PCDH15: variants seen among roughly 807,000 people sequenced by gnomAD.
The protein encoded by PCDH15 is protocadherin related 15.
A neutral mutation model predicts 178.5 loss-of-function variants in PCDH15; 129 were observed. The ratio of observed to expected loss-of-function variants is 0.72; its 90% confidence interval spans 0.63 to 0.84. The LOEUF (loss-of-function observed/expected upper bound fraction) is 0.84. Ranked by LOEUF, PCDH15 falls within the 40% of genes least tolerant of loss-of-function variation. PCDH15 has a pLI of 0.00. For synonymous variants in PCDH15, 800 were observed against 732.0 expected, an observed-to-expected ratio of 1.09 and a Z score of -1.50; for missense variants, 2,230 against 2,099.9, an observed-to-expected ratio of 1.06 and a Z score of -1.21.
intron 1 of PCDH15, among the ~76,000 whole-genome samples, chr10:55,226,674 G>T (rs561315470): frequency 6.6e-6 from 1 of 151,972 alleles, no homozygotes; most frequent in Non-Finnish European, 1.5e-5. Flanking sequence ...GAGCCACTGC[G>T]CCCGGCCAAG....
chr10:55,403,081 A>C (rs1442128083), intron 2 of PCDH15, among the ~76,000 whole-genome samples: 2 of 152,102 alleles, frequency 1.3e-5, no homozygotes, highest in Middle Eastern at 3.4e-3. Context: ...AGTGATGTTG[A>C]CTGTTAACGG....
chr10:54,445,809 T>C lies in PCDH15; in HGVS notation c.158-66867A>G, dbSNP rs138253795. On this transcript the variant is annotated intron_variant, in intron 3 of 37. Coordinates refer to ENST00000644397, the MANE Select transcript of PCDH15 (RefSeq NM_001384140.1). ...TTCTGTGATGTATTTTATTTGACTT[T>C]ATTTGTGTTTTTAGTCTTTTCACAG... Among the ~76,000 whole-genome samples, 576 of 151,752 alleles carry C rather than the reference T, an allele frequency of 3.8e-3. 3 individuals are homozygous for C. Among genetic ancestry groups the C allele is most frequent in the African/African-American group, 0.013 (543 of 41,484 alleles).
At chr10:54,454,581 C>A (rs2076697984) in intron 3 of PCDH15, among the ~76,000 whole-genome samples, 1 of 151,672 alleles carries the variant, frequency 6.6e-6, no homozygotes, top group South Asian at 2.1e-4. Context: ...AATACACATG[C>A]ATAGACATAA....
intron 3 of PCDH15, among the ~76,000 whole-genome samples, chr10:54,516,342 A>G (rs1261336822): frequency 6.6e-6 from 1 of 152,182 alleles, no homozygotes; most frequent in East Asian, 1.9e-4. Flanking sequence ...TAACTAGAAT[A>G]ACAAATGCAG....
chr10:55,607,414 CTA>C (rs1341501718), intron 2 of PCDH15, among the ~76,000 whole-genome samples: 1 of 131,100 alleles, frequency 7.6e-6, no homozygotes, highest in Non-Finnish European at 1.6e-5. Context: ...ACCCAAAGGA[CTA>C]TAAATCATGC....
intron 2 of PCDH15, among the ~76,000 whole-genome samples, chr10:54,624,575 G>T (rs543777667): frequency 5.9e-5 from 9 of 152,300 alleles, no homozygotes; most frequent in Admixed American, 3.3e-4. Context: ...CTAAAGTAGG[G>T]GTTCCCAATC....
intron 2 of PCDH15, among the ~76,000 whole-genome samples, chr10:55,382,992 G>C (rs186396993): frequency 6.6e-6 from 1 of 152,280 alleles, no homozygotes; most frequent in East Asian, 1.9e-4. Flanking sequence ...CAGCTCAGTG[G>C]AGTCAGGGTG....
At chr10:54,613,938 A>G (rs2093048068) in intron 2 of PCDH15, among the ~76,000 whole-genome samples, 1 of 151,876 alleles carries the variant, frequency 6.6e-6, no homozygotes, top group Admixed American at 6.6e-5. Context: ...CTCCCAGACC[A>G]CTTCCAAATT....
At chr10:53,962,685 T>A (rs1000998431) in intron 21 of PCDH15, among the ~76,000 whole-genome samples, 2 of 152,136 alleles carry the variant, frequency 1.3e-5, no homozygotes, top group Non-Finnish European at 2.9e-5. Context: ...GCTGAAATAT[T>A]CCAGAGATAG....
chr10:54,994,482 T>A lies in PCDH15; in HGVS notation c.-79-96982A>T, dbSNP rs543788285. Among the ~76,000 whole-genome samples the A allele has an allele frequency of 4.6e-5, 7 of 152,302 alleles. 1 individual carries two copies. The highest frequency in any genetic ancestry group is 1.7e-4 in the African/African-American group (7 of 41,572). ...AAAATATAAAGTATATATTTCTAGGTATAGTCTATAAATACAGTAAACTTT... is the reference window on the plus strand; with the variant it reads ...AAAATATAAAGTATATATTTCTAGGAATAGTCTATAAATACAGTAAACTTT... On this transcript the variant is annotated intron_variant, in intron 2 of 5. Coordinates refer to the PCDH15 transcript ENST00000458638.
intron 2 of PCDH15, among the ~76,000 whole-genome samples, chr10:54,959,759 C>T (rs1297486271): frequency 6.6e-6 from 1 of 152,024 alleles, no homozygotes; most frequent in Non-Finnish European, 1.5e-5. Flanking sequence ...AGGAAATAAT[C>T]AGACAAATAA....
intron 18 of PCDH15, among the ~76,000 whole-genome samples, chr10:54,058,585 G>A (rs2093948049): frequency 6.6e-6 from 1 of 152,112 alleles, no homozygotes; most frequent in African/African-American, 2.4e-5. Flanking sequence ...TCGAGATTTG[G>A]GTGGGGATAC....
At chr10:55,066,794 T>G (rs1366974083) in intron 2 of PCDH15, among the ~76,000 whole-genome samples, 3 of 151,262 alleles carry the variant, frequency 2.0e-5, no homozygotes, top group Admixed American at 2.0e-4. Context: ...TATTTTAATT[T>G]ATTAATTTAT....
At position 55,350,266 on chromosome 10, in the gene PCDH15, TATACACAC is replaced by T. The variant is rs1451063768; in HGVS notation, c.-155-183623_-155-183616del. ...ATATATATATATATATATATATATA[TATACACAC>T]ACACACACACACATACATACACACA... On this transcript the variant is annotated intron_variant, in intron 2 of 5. Transcript: ENST00000613346. 9.0e-3 allele frequency among the ~76,000 whole-genome samples: 531 copies of T among 58,860 alleles called. 3 individuals carry two copies. The highest frequency in any genetic ancestry group is 0.05 in the African/African-American group (491 of 9,832). 38.6% of individuals were successfully genotyped at this position (58,860 alleles called of 152,430 possible).
At chr10:54,753,545 A>G (rs1946623832) in intron 1 of PCDH15, among the ~76,000 whole-genome samples, 1 of 152,302 alleles carries the variant, frequency 6.6e-6, no homozygotes, top group African/African-American at 2.4e-5. Flanking sequence ...TTCTCACCCC[A>G]TCAACTTATT....
At chr10:54,022,492 G>A (rs1738043502) in intron 19 of PCDH15, among the ~76,000 whole-genome samples, 1 of 151,770 alleles carries the variant, frequency 6.6e-6, no homozygotes, top group Non-Finnish European at 1.5e-5. Flanking sequence ...TTTGACATTT[G>A]TGTGAACACA....
intron 2 of PCDH15, among the ~76,000 whole-genome samples, chr10:55,486,128 T>C (rs1840291996): frequency 6.6e-6 from 1 of 151,732 alleles, no homozygotes; most frequent in African/African-American, 2.4e-5. Flanking sequence ...TTCTGTTTTG[T>C]ATTCTTTCAC....
At chr10:54,067,522 T>C (rs2094159265) in intron 17 of PCDH15, among the ~76,000 whole-genome samples, 1 of 152,174 alleles carries the variant, frequency 6.6e-6, no homozygotes, top group Non-Finnish European at 1.5e-5. Flanking sequence ...ATCCCTGGCC[T>C]GCTGCAGTCA....
At chr10:54,283,457 T>C (rs1381270225) in intron 8 of PCDH15, among the ~76,000 whole-genome samples, 1 of 152,166 alleles carries the variant, frequency 6.6e-6, no homozygotes, top group African/African-American at 2.4e-5. Context: ...TGAGTTTAGA[T>C]AAGAGGTGGC....
Sources: gnomAD v4.1 joint callset for allele counts (sites outside exome capture counted in the v4.1 genomes callset) on GRCh38, gnomAD v4.1.1 for gene constraint, MANE v1.5 for transcripts, NCBI Gene and HGNC (gene_info 2026-07-23, HGNC 2026-07-21) for gene names.